The following GFPT1 variants were observed in gnomAD, a reference collection of about 807,000 sequenced individuals.
GFPT1 encodes glutamine--fructose-6-phosphate aminotransferase [isomerizing] 1.
A neutral mutation model predicts 92.0 loss-of-function variants in GFPT1; 40 were observed. The observed-to-expected ratio is 0.43, with a 90% confidence interval of 0.34 to 0.57. The LOEUF (loss-of-function observed/expected upper bound fraction) is 0.57, where lower values mean the gene tolerates loss of function less well. Among genes scored for constraint, GFPT1 ranks in the 20% least tolerant of loss-of-function variants. GFPT1 has a pLI of 0.02. For synonymous variants in GFPT1, 269 were observed against 280.6 expected (o/e 0.96, Z 0.41); for missense variants, 448 against 869.1 (o/e 0.52, Z 6.09).
At chr2:69,333,192 T>C (rs905226440) in intron 15 of GFPT1, among the ~76,000 whole-genome samples, 6 of 152,184 alleles carry the variant, frequency 3.9e-5, no homozygotes, top group African/African-American at 1.4e-4. Flanking sequence ...CAAAACATAC[T>C]ACCAGGCCAG....
At chr2:69,356,807 G>A (rs762175998) in intron 6 of GFPT1, among the ~76,000 whole-genome samples, 3 of 150,802 alleles carry the variant, frequency 2.0e-5, no homozygotes, top group South Asian at 2.1e-4. Context: ...GCACGATCTC[G>A]GCTCACTGCA....
chr2:69,329,640 AC>A (rs1670612350), intron 16 of GFPT1, 43 bp downstream of exon 16: 5 of 1,263,400 alleles, frequency 4.0e-6, no homozygotes, highest in Middle Eastern at 1.8e-4. Context: ...CCTATTACCC[AC>A]TCCCTTAGAC....
chr2:69,346,244 C>CTTTTT (rs927368693), intron 11 of GFPT1, among the ~76,000 whole-genome samples: 1 of 145,618 alleles, frequency 6.9e-6, no homozygotes, highest in Non-Finnish European at 1.5e-5. Context: ...ATGAGACAAG[C>CTTTTT]TTTTTTTTTT....
chr2:69,329,250 G>C, intron 17 of GFPT1, 47 bp downstream of exon 17: 1 of 1,578,628 alleles, frequency 6.3e-7, no homozygotes, highest in Non-Finnish European at 8.7e-7. Context: ...TATGTGTCAG[G>C]TCTGCAGGTC....
rs10715095 is a variant in GFPT1, at chr2:69,364,114, CAAAAAAAAA to C, written c.224-453_224-445del. On this transcript the variant is annotated intron_variant, in intron 3 of 19. Transcript: ENST00000357308. Reference sequence around the variant, plus strand: ...TGGGCAACAGAGCGAGACTCCATCTCAAAAAAAAAAAAAAAAGACTTAGGAACACATTGT... The same window carrying C: ...TGGGCAACAGAGCGAGACTCCATCTCAAAAAAAGACTTAGGAACACATTGT... Among the ~76,000 whole-genome samples, 385 of 99,114 alleles carry C rather than the reference CAAAAAAAAA, an allele frequency of 3.9e-3. 2 individuals carry two copies. Among genetic ancestry groups the C allele is most frequent in the African/African-American group, 0.013 (365 of 28,690 alleles). The allele number at this position is 99,114 out of a possible 152,430, so 65.0% of individuals were successfully genotyped here.
chr2:69,361,016 T>C (rs1004061537), intron 4 of GFPT1, among the ~76,000 whole-genome samples: 1 of 152,130 alleles, frequency 6.6e-6, no homozygotes, highest in African/African-American at 2.4e-5. Context: ...ATTACAGGCA[T>C]GAGTCACCAC....
At chr2:69,341,730 C>G (rs1389570867) in intron 13 of GFPT1, among the ~76,000 whole-genome samples, 1 of 152,042 alleles carries the variant, frequency 6.6e-6, no homozygotes, top group Non-Finnish European at 1.5e-5. Context: ...AGCAGACTAC[C>G]TTTCTTTGCA....
chr2:69,381,811 C>T (rs979909690), intron 1 of GFPT1, among the ~76,000 whole-genome samples: 1 of 151,598 alleles, frequency 6.6e-6, no homozygotes, highest in African/African-American at 2.4e-5. Flanking sequence ...GCCTCAGCTT[C>T]CTGAGTGGCT....
chr2:69,371,307 T>C (rs1001121769), intron 2 of GFPT1: 3 of 150,652 alleles, frequency 2.0e-5, no homozygotes, highest in African/African-American at 7.3e-5. Flanking sequence ...TTGAACTCCT[T>C]ACCTCAAGTG....
intron 7 of GFPT1, among the ~76,000 whole-genome samples, 163 bp downstream of exon 7, chr2:69,356,333 T>C (rs896508703): frequency 3.3e-5 from 5 of 152,126 alleles, no homozygotes; most frequent in Admixed American, 6.6e-5. Context: ...AATGGAAGAG[T>C]GGTAAGCAAC....
intron 15 of GFPT1, among the ~76,000 whole-genome samples, chr2:69,337,554 T>C (rs1459865925): frequency 6.6e-6 from 1 of 152,222 alleles, no homozygotes; most frequent in Non-Finnish European, 1.5e-5. Flanking sequence ...GGATGTTATA[T>C]ACTTGTTATG....
chr2:69,369,676 A>G (rs1273986351), intron 3 of GFPT1, among the ~76,000 whole-genome samples: 1 of 152,232 alleles, frequency 6.6e-6, no homozygotes, highest in African/African-American at 2.4e-5. Context: ...GGCATCACTA[A>G]AAATACCTTT....
At chr2:69,350,775 C>T (rs971895312) in intron 9 of GFPT1, among the ~76,000 whole-genome samples, 6 of 151,836 alleles carry the variant, frequency 4.0e-5, no homozygotes, top group Admixed American at 2.0e-4. Context: ...TGGTGGCAGA[C>T]GCCTATAATC....
rs1670521943 is a variant in GFPT1 at position 69,326,057 on chromosome 2, A to G, written c.*132T>C. 1 of 645,790 alleles carries G rather than the reference A, an allele frequency of 1.5e-6. No homozygotes were observed. The highest frequency in any genetic ancestry group is 1.8e-5 in the African/African-American group (1 of 54,300). The allele number at this position is 645,790 out of a possible 1,614,324, so 40.0% of individuals were successfully genotyped here. A position where few individuals can be genotyped will look rare whatever the true frequency, so the allele number is the denominator to read the frequency against. ...AAATCACATATTGAGTGGAATAATTATAACTGATATATAAATAAGGATTTA... is the reference window on the plus strand; with the variant it reads ...AAATCACATATTGAGTGGAATAATTGTAACTGATATATAAATAAGGATTTA... On this transcript the variant is annotated 3_prime_UTR_variant, in exon 20 of 20. Transcript: ENST00000357308.
chr2:69,328,515 CTGATA>C (rs775439245), intron 17 of GFPT1, 77 bp from the exon 18 acceptor site: 129 of 1,041,018 alleles, frequency 1.2e-4, no homozygotes, highest in Admixed American at 2.4e-4. Flanking sequence ...TAAAAAGCAT[CTGATA>C]TGTCAAGCCA....
intron 2 of GFPT1, among the ~76,000 whole-genome samples, chr2:69,372,868 G>C (rs1355548538): frequency 3.3e-5 from 5 of 152,214 alleles, no homozygotes; most frequent in African/African-American, 9.6e-5. Context: ...CTGTTTTCAA[G>C]GTTGGCCCTT....
chr2:69,385,691 C>CAGTT (rs1314662780), intron 1 of GFPT1, among the ~76,000 whole-genome samples: 11 of 152,108 alleles, frequency 7.2e-5, no homozygotes, highest in Non-Finnish European at 1.5e-4. Context: ...GGAGATTGAC[C>CAGTT]AGTTTGCAAA....
At chr2:69,382,106 C>G (rs1031327686) in intron 1 of GFPT1, among the ~76,000 whole-genome samples, 5 of 152,034 alleles carry the variant, frequency 3.3e-5, no homozygotes, top group Non-Finnish European at 7.4e-5. Flanking sequence ...TCAAGTGATT[C>G]GCCCACCTCA....
intron 13 of GFPT1, among the ~76,000 whole-genome samples, chr2:69,340,015 G>A (rs1670901778): frequency 1.3e-5 from 2 of 151,798 alleles, no homozygotes; most frequent in South Asian, 2.1e-4. Context: ...ATAAAAAGAT[G>A]GGGAAAGAAG....
Sources: gnomAD v4.1 joint callset for allele counts (sites outside exome capture counted in the v4.1 genomes callset) on GRCh38, gnomAD v4.1.1 for gene constraint, MANE v1.5 for transcripts, NCBI Gene and HGNC (gene_info 2026-07-23, HGNC 2026-07-21) for gene names.